The following SHISA9 variants were observed in gnomAD, a reference collection of about 807,000 sequenced individuals.
SHISA9 encodes shisa family member 9.
SHISA9 carries 13 observed loss-of-function variants against 38.0 expected under a neutral mutation model. That is an observed-to-expected ratio of 0.34 (90% CI 0.22 to 0.54). SHISA9 has a LOEUF of 0.54. Ranked by LOEUF, SHISA9 falls within the 20% of genes least tolerant of loss-of-function variation. The probability of loss-of-function intolerance (pLI) is 0.91; values close to 1 mark genes in which losing one functional copy is unlikely to be tolerated. For synonymous variants in SHISA9, 275 were observed against 242.0 expected (o/e 1.14, Z -1.27); for missense variants, 538 against 575.8 (o/e 0.93, Z 0.67).
chr16:13,557,419 C>G, the SHISA9 span, among the ~76,000 whole-genome samples: 1 of 152,166 alleles, frequency 6.6e-6, no homozygotes, highest in African/African-American at 2.4e-5. Flanking sequence ...TAAGGAGAAG[C>G]TCAGCCTGGT....
At chr16:13,126,279 T>C (rs1024545262) in intron 2 of SHISA9, among the ~76,000 whole-genome samples, 1 of 152,198 alleles carries the variant, frequency 6.6e-6, no homozygotes, top group Non-Finnish European at 1.5e-5. Flanking sequence ...GCTGTCATGA[T>C]CTGTTTTCCT....
At chr16:13,403,435 T>A in the SHISA9 span, among the ~76,000 whole-genome samples, 3 of 152,194 alleles carry the variant, frequency 2.0e-5, no homozygotes, top group Non-Finnish European at 4.4e-5. Flanking sequence ...GGATGGATGA[T>A]TGGATGAATG....
intron 4 of SHISA9, among the ~76,000 whole-genome samples, chr16:13,222,685 GA>G (rs1452847228): frequency 6.6e-6 from 1 of 152,014 alleles, no homozygotes; most frequent in Non-Finnish European, 1.5e-5. Flanking sequence ...TCTCTGATGG[GA>G]ATGTACATTT....
chr16:12,958,130 T>C (rs973193985), intron 2 of SHISA9, among the ~76,000 whole-genome samples: 2 of 152,220 alleles, frequency 1.3e-5, no homozygotes, highest in African/African-American at 4.8e-5. Flanking sequence ...TTTGCCCAAA[T>C]GGGCCCCGAC....
At chr16:13,457,934 T>C in the SHISA9 span, among the ~76,000 whole-genome samples, 1 of 152,066 alleles carries the variant, frequency 6.6e-6, no homozygotes, top group Non-Finnish European at 1.5e-5. Context: ...CCTCCCTTCC[T>C]TCCTTCCTTG....
intron 3 of SHISA9, among the ~76,000 whole-genome samples, chr16:13,206,724 A>G (rs2051068367): frequency 6.6e-6 from 1 of 152,250 alleles, no homozygotes; most frequent in Non-Finnish European, 1.5e-5. Flanking sequence ...GTAAGACCCT[A>G]CGTACTGGTT....
intron 2 of SHISA9, among the ~76,000 whole-genome samples, chr16:13,007,895 G>A (rs2072618933): frequency 6.6e-6 from 1 of 152,184 alleles, no homozygotes; most frequent in Non-Finnish European, 1.5e-5. Flanking sequence ...GGAAGGGGCA[G>A]GGTTTTAGTA....
chr16:13,383,418 T>C, the SHISA9 span, among the ~76,000 whole-genome samples: 6 of 152,152 alleles, frequency 3.9e-5, no homozygotes, highest in Non-Finnish European at 8.8e-5. Context: ...AATAAAAATA[T>C]GGGGGAAGAA....
chr16:13,159,532 C>T (rs1278731373), intron 2 of SHISA9, among the ~76,000 whole-genome samples: 7 of 152,230 alleles, frequency 4.6e-5, no homozygotes, highest in Admixed American at 3.3e-4. Context: ...TTGCCTAAAA[C>T]TGGAGTAAAA....
At chr16:13,055,222 T>C (rs1029806705) in intron 2 of SHISA9, among the ~76,000 whole-genome samples, 1 of 152,210 alleles carries the variant, frequency 6.6e-6, no homozygotes, top group Non-Finnish European at 1.5e-5. Flanking sequence ...GTGGGGAAAC[T>C]GAGTCACAGA....
At chr16:12,912,207 G>A (rs2071193559) in intron 1 of SHISA9, among the ~76,000 whole-genome samples, 1 of 148,620 alleles carries the variant, frequency 6.7e-6, no homozygotes, top group African/African-American at 2.4e-5. Context: ...CCACTTCAAA[G>A]ACTCTTTGTC....
At chr16:13,071,148 C>A (rs947688688) in intron 2 of SHISA9, among the ~76,000 whole-genome samples, 2 of 152,040 alleles carry the variant, frequency 1.3e-5, no homozygotes, top group Non-Finnish European at 2.9e-5. Flanking sequence ...GACAGAGAAC[C>A]GTGCCCTTAA....
the SHISA9 span, among the ~76,000 whole-genome samples, chr16:13,451,800 G>A: frequency 1.2e-4 from 18 of 152,204 alleles, no homozygotes; most frequent in African/African-American, 4.1e-4. Flanking sequence ...CAAGAAGTTT[G>A]GAATCCTGGC....
intron 2 of SHISA9, among the ~76,000 whole-genome samples, chr16:13,120,231 T>C (rs2074071991): frequency 6.6e-6 from 1 of 152,178 alleles, no homozygotes; most frequent in African/African-American, 2.4e-5. Flanking sequence ...GCAGAGTTAC[T>C]CGCCCAGGAA....
At chr16:13,143,593 G>A (rs1171547015) in intron 2 of SHISA9, among the ~76,000 whole-genome samples, 2 of 152,188 alleles carry the variant, frequency 1.3e-5, no homozygotes, top group South Asian at 2.1e-4. Flanking sequence ...TGATCATGCT[G>A]CAGGGACTGA....
chr16:13,171,029 C>T (rs1485858956), intron 2 of SHISA9, among the ~76,000 whole-genome samples: 1 of 152,190 alleles, frequency 6.6e-6, no homozygotes, highest in African/African-American at 2.4e-5. Context: ...CTTCTGCAGG[C>T]TGTACAAGAA....
the SHISA9 span, among the ~76,000 whole-genome samples, chr16:13,444,786 C>T: frequency 6.9e-6 from 1 of 144,558 alleles, no homozygotes; most frequent in Admixed American, 6.8e-5. Flanking sequence ...TTCTTCCCTC[C>T]CTCTTCCCTC....
At chr16:13,464,798 C>A in the SHISA9 span, among the ~76,000 whole-genome samples, 1 of 151,838 alleles carries the variant, frequency 6.6e-6, no homozygotes, top group Admixed American at 6.6e-5. Context: ...ATAAAATTCC[C>A]GAGATATGTT....
the SHISA9 span, among the ~76,000 whole-genome samples, chr16:13,452,921 CTTTTTAAGACAG>C: frequency 6.6e-6 from 1 of 151,690 alleles, no homozygotes; most frequent in East Asian, 2.0e-4. Flanking sequence ...CTTTTCTTTT[CTTTTTAAGACAG>C]AGTCTCACTC....
Sources: allele counts gnomAD v4.1 joint callset (sites outside exome capture counted in the v4.1 genomes callset), GRCh38; gene constraint gnomAD v4.1.1; transcripts MANE v1.5; gene names NCBI Gene and HGNC (gene_info 2026-07-23, HGNC 2026-07-21).